Variants in FAM163A observed in about 807,000 individuals in gnomAD.
FAM163A encodes family with sequence similarity 163 member A.
FAM163A carries 7 observed loss-of-function variants against 12.0 expected under a neutral mutation model. The ratio of observed to expected loss-of-function variants is 0.58; its 90% CI spans 0.33 to 1.10. The LOEUF is 1.10. Ranked by LOEUF, FAM163A falls within the 50% of genes least tolerant of loss-of-function variation. The pLI is 0.03. For missense variants in FAM163A, 202 were observed against 218.6 expected (o/e 0.92, Z 0.48); for synonymous variants, 101 against 91.0 (o/e 1.11, Z -0.62).
chr1:179,730,522 T>C, the FAM163A span: 2 of 152,346 alleles, frequency 1.3e-5, no homozygotes, highest in Admixed American at 1.3e-4. Flanking sequence ...GCATTTGATA[T>C]AAAGTAGAAA....
chr1:179,732,530 C>T, the FAM163A span, among the ~76,000 whole-genome samples: 9 of 152,196 alleles, frequency 5.9e-5, no homozygotes, highest in Non-Finnish European at 1.3e-4. Flanking sequence ...AATATTCATA[C>T]CCTCCCAAGA....
Position 179,814,084 on chromosome 1 carries a change from AC to A in FAM163A, c.404del (p.Pro135HisfsTer13). 10 of 1,613,538 alleles carry A rather than the reference AC, an allele frequency of 6.2e-6. No homozygotes were observed. Among genetic ancestry groups the A allele is most frequent in the Middle Eastern group, 1.6e-4 (1 of 6,062 alleles). ...CTCCCACATACTACAAAGAGGGGGGACCCCCATCCCTCAAATTGGCAGCACC... is the reference window on the plus strand; with the variant it reads ...CTCCCACATACTACAAAGAGGGGGGACCCCATCCCTCAAATTGGCAGCACC... Reference protein sequence around the residue: ...FAPTYYKEGGPPSLKLAAPQS... With the variant: ...FAPTYYKEGGXPSLKLAAPQS... On this transcript the variant is annotated frameshift_variant, in exon 5 of 5. Coordinates refer to ENST00000341785, the MANE Select transcript of FAM163A (RefSeq NM_173509.3). LOFTEE classifies it high-confidence loss of function.
intron 1 of FAM163A, among the ~76,000 whole-genome samples, chr1:179,744,761 T>G (rs576940960): frequency 2.6e-5 from 4 of 152,164 alleles, no homozygotes; most frequent in African/African-American, 7.2e-5. Flanking sequence ...GGCCCCATCC[T>G]GAGATTCCGA....
intron 1 of FAM163A, among the ~76,000 whole-genome samples, chr1:179,758,337 G>C (rs1686318830): frequency 6.6e-6 from 1 of 152,126 alleles, no homozygotes; most frequent in South Asian, 2.1e-4. Flanking sequence ...AAGTAAGTAG[G>C]CTGGACAAGA....
At position 179,805,523 on chromosome 1, in the gene FAM163A, A is replaced by G. The variant is rs527937551; in HGVS notation, c.-135-2275A>G. On this transcript the variant is annotated intron_variant, in intron 1 of 4. Coordinates refer to ENST00000341785, the MANE Select transcript of FAM163A (RefSeq NM_173509.3). ...TTCACTCCAGCCTGCGCAACAGAGCAAAACTCCCAAAACTCCGTCTCAAAA... is the reference window on the plus strand; with the variant it reads ...TTCACTCCAGCCTGCGCAACAGAGCGAAACTCCCAAAACTCCGTCTCAAAA... Among the ~76,000 whole-genome samples the G allele has an allele frequency of 7.2e-5, 11 of 152,040 alleles. No individual in the cohort carries two copies. The South Asian group carries it at 2.1e-3, about 29-fold the overall frequency.
chr1:179,787,202 A>C (rs1690755431), intron 1 of FAM163A, among the ~76,000 whole-genome samples: 1 of 152,238 alleles, frequency 6.6e-6, no homozygotes, highest in Admixed American at 6.5e-5. Context: ...CTTTAGCCCG[A>C]GGCTCCTCTT....
chr1:179,785,172 C>G (rs1015628655), intron 1 of FAM163A, among the ~76,000 whole-genome samples: 1 of 152,190 alleles, frequency 6.6e-6, no homozygotes, highest in African/African-American at 2.4e-5. Flanking sequence ...ACTCCCACCC[C>G]CCATTCCTCA....
At chr1:179,781,829 G>C (rs924341103) in intron 1 of FAM163A, among the ~76,000 whole-genome samples, 1 of 151,796 alleles carries the variant, frequency 6.6e-6, no homozygotes, top group Admixed American at 6.6e-5. Context: ...AGCTACTCGG[G>C]AGGCTGAGGC....
At chr1:179,751,666 A>G (rs528514337) in intron 1 of FAM163A, among the ~76,000 whole-genome samples, 3 of 152,164 alleles carry the variant, frequency 2.0e-5, no homozygotes, top group East Asian at 3.9e-4. Context: ...TGTAAAAGCC[A>G]GTGTATTCTC....
At chr1:179,805,886 C>T (rs1323183838) in intron 1 of FAM163A, among the ~76,000 whole-genome samples, 1 of 152,224 alleles carries the variant, frequency 6.6e-6, no homozygotes, top group Non-Finnish European at 1.5e-5. Context: ...TTCCCTTCAC[C>T]CACTCAAGCA....
chr1:179,730,890 G>A, the FAM163A span, among the ~76,000 whole-genome samples: 2 of 152,178 alleles, frequency 1.3e-5, no homozygotes, highest in Non-Finnish European at 2.9e-5. Flanking sequence ...AAGAATATGA[G>A]TGCCAATTCT....
the FAM163A span, among the ~76,000 whole-genome samples, chr1:179,728,124 G>A: frequency 1.3e-5 from 2 of 152,122 alleles, no homozygotes; most frequent in African/African-American, 4.8e-5. Flanking sequence ...TGAGCCCAGT[G>A]CCTGTCACAT....
chr1:179,770,312 A>G (rs1340379687), intron 1 of FAM163A, among the ~76,000 whole-genome samples: 1 of 152,020 alleles, frequency 6.6e-6, no homozygotes, highest in Non-Finnish European at 1.5e-5. Context: ...CCACTACCCT[A>G]GTTCAAGCTG....
intron 1 of FAM163A, among the ~76,000 whole-genome samples, chr1:179,802,459 G>A (rs986432620): frequency 1.3e-5 from 2 of 152,088 alleles, no homozygotes; most frequent in South Asian, 2.1e-4. Context: ...CTGAGTTTAC[G>A]GGTCCACTCC....
chr1:179,735,717 A>G, the FAM163A span, among the ~76,000 whole-genome samples: 1 of 151,990 alleles, frequency 6.6e-6, no homozygotes, highest in East Asian at 1.9e-4. Flanking sequence ...GTTAGCCAGG[A>G]TGATCTCCAT....
rs1465130294 is a variant in FAM163A at position 179,799,132 on chromosome 1, T to C, written c.-135-8666T>C. Among the ~76,000 whole-genome samples, 1,362 of 152,290 alleles carry C rather than the reference T, an allele frequency of 8.9e-3. 20 individuals are homozygous for C. The highest frequency in any genetic ancestry group is 0.031 in the African/African-American group (1,294 of 41,540). On this transcript the variant is annotated intron_variant, in intron 1 of 4. Coordinates refer to ENST00000341785, the MANE Select transcript of FAM163A (RefSeq NM_173509.3). ...AAAGTGAAACAAGTGAAACAAGTGT[T>C]TCACTGCTGAAAGAAGTGAAACAAG...
At chr1:179,729,578 G>A in the FAM163A span, among the ~76,000 whole-genome samples, 1,263 of 152,328 alleles carry the variant, frequency 8.3e-3, 16 homozygotes, top group African/African-American at 0.028. Flanking sequence ...GTTGTTACTT[G>A]TTCTAAGAGA....
intron 1 of FAM163A, among the ~76,000 whole-genome samples, chr1:179,778,802 G>GC (rs1557933260): frequency 6.6e-6 from 1 of 152,210 alleles, no homozygotes. Flanking sequence ...GGAAATAGGT[G>GC]CCAAGGGGCT....
At chr1:179,779,246 G>A (rs938198342) in intron 1 of FAM163A, among the ~76,000 whole-genome samples, 10 of 152,224 alleles carry the variant, frequency 6.6e-5, no homozygotes, top group African/African-American at 2.4e-4. Context: ...TTTTATCCTG[G>A]CAGTAGTCTG....
Sources: gnomAD v4.1 joint callset for allele counts (sites outside exome capture counted in the v4.1 genomes callset) on GRCh38, gnomAD v4.1.1 for gene constraint, MANE v1.5 for transcripts, NCBI Gene and HGNC (gene_info 2026-07-23, HGNC 2026-07-21) for gene names.